Variants in TSHZ2 observed in about 807,000 individuals in gnomAD.
TSHZ2 encodes teashirt homolog 2.
Under a neutral mutation model 74.4 loss-of-function variants are expected in TSHZ2, and 21 were observed. The observed-to-expected ratio is 0.28, with a 90% CI of 0.20 to 0.41. TSHZ2 has a LOEUF of 0.41. Ranked by LOEUF, TSHZ2 falls within the 10% of genes least tolerant of loss-of-function variation. TSHZ2 has a pLI of 1.00. For missense variants in TSHZ2, 1,244 were observed against 1,293.5 expected, an observed-to-expected ratio of 0.96 and a Z score of 0.59; for synonymous variants, 540 against 515.3, an observed-to-expected ratio of 1.05 and a Z score of -0.65.
At chr20:53,274,219 G>C (rs1051299392) in intron 2 of TSHZ2, among the ~76,000 whole-genome samples, 99 of 152,196 alleles carry the variant, frequency 6.5e-4, no homozygotes, top group Non-Finnish European at 7.3e-5. Flanking sequence ...GCAGTGAGCC[G>C]AGATCGCACC....
At chr20:53,283,517 C>A (rs910739742) in intron 2 of TSHZ2, among the ~76,000 whole-genome samples, 2 of 152,150 alleles carry the variant, frequency 1.3e-5, no homozygotes, top group African/African-American at 4.8e-5. Context: ...TGGATTTAAA[C>A]CCCAGCTCTG....
chr20:53,039,134 CT>C (rs1164323374), intron 1 of TSHZ2, among the ~76,000 whole-genome samples: 1 of 151,594 alleles, frequency 6.6e-6, no homozygotes, highest in Non-Finnish European at 1.5e-5. Context: ...GATCCACCCA[CT>C]TCCACCTCCC....
chr20:53,098,517 G>A (rs578018696), intron 1 of TSHZ2, among the ~76,000 whole-genome samples: 6 of 152,164 alleles, frequency 3.9e-5, no homozygotes, highest in Non-Finnish European at 8.8e-5. Context: ...AGACCTAAAT[G>A]AGCAATTGCA....
At chr20:53,327,785 T>C (rs1600812587) in intron 2 of TSHZ2, among the ~76,000 whole-genome samples, 1 of 152,310 alleles carries the variant, frequency 6.6e-6, no homozygotes, top group Admixed American at 6.5e-5. Flanking sequence ...GATAAGAGCT[T>C]TGAAGGCATC....
chr20:53,312,915 T>C, intron 2 of TSHZ2, among the ~76,000 whole-genome samples: 1 of 152,214 alleles, frequency 6.6e-6, no homozygotes, highest in Non-Finnish European at 1.5e-5. Context: ...TCATTTTCTT[T>C]CCATGAAGGA....
At chr20:53,047,274 G>T (rs1402310859) in intron 1 of TSHZ2, among the ~76,000 whole-genome samples, 1 of 152,046 alleles carries the variant, frequency 6.6e-6, no homozygotes, top group Non-Finnish European at 1.5e-5. Context: ...TTATATAAAG[G>T]TCTGATATAA....
intron 1 of TSHZ2, among the ~76,000 whole-genome samples, chr20:53,040,870 C>A (rs993127481): frequency 6.6e-6 from 1 of 152,190 alleles, no homozygotes; most frequent in Non-Finnish European, 1.5e-5. Context: ...ACCCCACAGC[C>A]TGGCACGGTG....
intron 1 of TSHZ2, among the ~76,000 whole-genome samples, chr20:53,001,485 G>A (rs1405089246): frequency 1.3e-5 from 2 of 152,056 alleles, no homozygotes; most frequent in African/African-American, 4.8e-5. Context: ...AATAATGCTA[G>A]GTAGAGGATG....
At chr20:53,342,672 G>T (rs1980255473) in intron 2 of TSHZ2, among the ~76,000 whole-genome samples, 1 of 152,116 alleles carries the variant, frequency 6.6e-6, no homozygotes, top group Non-Finnish European at 1.5e-5. Context: ...GCCAAGAAAG[G>T]TTAAGTCTCT....
At chr20:53,367,441 TA>T (rs1305231835) in intron 2 of TSHZ2, among the ~76,000 whole-genome samples, 1 of 152,060 alleles carries the variant, frequency 6.6e-6, no homozygotes, top group African/African-American at 2.4e-5. Context: ...TTAAATTTTT[TA>T]AAAAACAACT....
At chr20:53,023,402 C>A (rs150678250) in intron 1 of TSHZ2, among the ~76,000 whole-genome samples, 1 of 152,292 alleles carries the variant, frequency 6.6e-6, no homozygotes, top group African/African-American at 2.4e-5. Context: ...CATTAAACCT[C>A]AACATTAACC....
chr20:53,234,476 A>G (rs1425197242), intron 1 of TSHZ2, among the ~76,000 whole-genome samples: 1 of 152,242 alleles, frequency 6.6e-6, no homozygotes, highest in African/African-American at 2.4e-5. Context: ...AATAGAAATA[A>G]TAAAGAAGTA....
chr20:53,196,241 T>A (rs1988862301), intron 1 of TSHZ2: 1 of 152,094 alleles, frequency 6.6e-6, no homozygotes, highest in Non-Finnish European at 1.5e-5. Flanking sequence ...AGAGTCCCTT[T>A]CCCTCTCAAT....
chr20:53,091,480 A>G (rs1003039620), intron 1 of TSHZ2, among the ~76,000 whole-genome samples: 1 of 152,228 alleles, frequency 6.6e-6, no homozygotes, highest in Non-Finnish European at 1.5e-5. Flanking sequence ...AATAATTTGT[A>G]AGATTTACCT....
Position 53,470,757 on chromosome 20 carries a change from G to A in TSHZ2, c.*9-16387G>A, listed in dbSNP as rs200120907. ...GAACCCGGGAGGCAGAGGTTGCAGT[G>A]AGCGGAGATTGCGCCACTGCACTCC... On this transcript the variant is annotated intron_variant, in intron 2 of 2. Transcript: ENST00000371497. Among the ~76,000 whole-genome samples the A allele has an allele frequency of 8.5e-5, 13 of 152,232 alleles. No individual in the cohort carries two copies. In the East Asian group the frequency reaches 2.5e-3, roughly 29 times the overall value.
At chr20:53,136,936 T>C (rs1280989552) in intron 1 of TSHZ2, among the ~76,000 whole-genome samples, 3 of 152,166 alleles carry the variant, frequency 2.0e-5, no homozygotes, top group Non-Finnish European at 2.9e-5. Context: ...ATTCCGATCT[T>C]ACATACAGAA....
intron 2 of TSHZ2, among the ~76,000 whole-genome samples, chr20:53,324,309 A>G (rs1249721682): frequency 4.6e-5 from 7 of 152,168 alleles, no homozygotes; most frequent in Admixed American, 3.9e-4. Flanking sequence ...GGTCCAGTGT[A>G]GAAGCCCTAG....
intron 2 of TSHZ2, among the ~76,000 whole-genome samples, chr20:53,386,941 T>C (rs1054044233): frequency 2.0e-5 from 3 of 152,070 alleles, no homozygotes; most frequent in African/African-American, 4.8e-5. Context: ...TCCTTTTATA[T>C]ATGAAAGGGA....
intron 1 of TSHZ2, among the ~76,000 whole-genome samples, chr20:53,071,064 T>G (rs1985159878): frequency 6.6e-6 from 1 of 152,204 alleles, no homozygotes; most frequent in Admixed American, 6.5e-5. Context: ...AACACTCACA[T>G]TTATATTACT....
Sources: gnomAD v4.1 joint callset for allele counts (sites outside exome capture counted in the v4.1 genomes callset) on GRCh38, gnomAD v4.1.1 for gene constraint, MANE v1.5 for transcripts, NCBI Gene and HGNC (gene_info 2026-07-23, HGNC 2026-07-21) for gene names.